The following PRLR variants were observed in gnomAD, a reference collection of about 807,000 sequenced individuals.
PRLR encodes the protein prolactin receptor.
A neutral mutation model predicts 40.2 loss-of-function variants in PRLR; 13 were observed. The ratio of observed to expected loss-of-function variants is 0.32; its 90% CI spans 0.21 to 0.51. The LOEUF (loss-of-function observed/expected upper bound fraction) is 0.51. PRLR is among the 20% of genes least tolerant of loss of function. PRLR has a pLI of 0.97. For missense variants in PRLR, 656 were observed against 747.3 expected (o/e 0.88, Z 1.42); for synonymous variants, 269 against 278.7 (o/e 0.97, Z 0.35).
chr5:35,089,531 C>G lies in PRLR; in HGVS notation c.70+20G>C. On this transcript the variant is annotated intron_variant, in intron 3 of 9. Transcript: ENST00000618457. ...AAACACCCCAGGCAATGAAAGAGAGCGTGATAGCCTCTTACTTACCATTCA... is the reference window on the plus strand; with the variant it reads ...AAACACCCCAGGCAATGAAAGAGAGGGTGATAGCCTCTTACTTACCATTCA... The G allele has an allele frequency of 6.5e-7, 1 of 1,549,152 alleles. No individual in the cohort carries two copies. The highest frequency in any genetic ancestry group is 8.9e-7 in the Non-Finnish European group (1 of 1,120,964).
intron 1 of PRLR, among the ~76,000 whole-genome samples, chr5:35,201,313 T>G (rs1460463806): frequency 6.6e-6 from 1 of 152,154 alleles, no homozygotes; most frequent in African/African-American, 2.4e-5. Flanking sequence ...TTTTAAAACA[T>G]AGTATATTTG....
In PRLR at chr5:35,065,079, A is replaced by T; in HGVS notation, c.*10T>A. On this transcript the variant is annotated 3_prime_UTR_variant, in exon 10 of 10. Coordinates refer to ENST00000618457, the MANE Select transcript of PRLR (RefSeq NM_000949.7). ...TCACATTTTAACCAATCATTCCATTAGTCAAGCTATCAGTGAAAGGAGTGT... is the reference window on the plus strand; with the variant it reads ...TCACATTTTAACCAATCATTCCATTTGTCAAGCTATCAGTGAAAGGAGTGT... 6.2e-7 allele frequency: 1 copy of T among 1,600,532 alleles called. No individual in the cohort carries two copies. The highest frequency in any genetic ancestry group is 8.5e-7 in the Non-Finnish European group (1 of 1,171,598).
At position 35,063,223 on chromosome 5, in the gene PRLR, C is replaced by T. The variant is rs1259276848; in HGVS notation, c.*1866G>A. 6.6e-6 allele frequency: 1 copy of T among 152,144 alleles called. No individual in the cohort carries two copies. The highest frequency in any genetic ancestry group is 2.4e-5 in the African/African-American group (1 of 41,424). The allele number at this position is 152,144 out of a possible 1,614,324, so 9.4% of individuals were successfully genotyped here. ...TTGTTTATATATTAGAAAAATGGAGCTTCGTATCTATTGCTTTTGCCATTC... is the reference window on the plus strand; with the variant it reads ...TTGTTTATATATTAGAAAAATGGAGTTTCGTATCTATTGCTTTTGCCATTC... On this transcript the variant is annotated 3_prime_UTR_variant, in exon 10 of 10. Coordinates refer to ENST00000618457, the MANE Select transcript of PRLR (RefSeq NM_000949.7).
intron 2 of PRLR, among the ~76,000 whole-genome samples, chr5:35,090,448 A>C (rs1459062241): frequency 6.6e-6 from 1 of 152,180 alleles, no homozygotes; most frequent in Non-Finnish European, 1.5e-5. Context: ...AGGATTTTTA[A>C]AGACATTTGG....
chr5:35,066,085 T>C lies in PRLR; in HGVS notation c.873A>G (p.Glu291=). The C allele has an allele frequency of 6.2e-7, 1 of 1,613,502 alleles. No homozygotes were observed. Among genetic ancestry groups the C allele is most frequent in the Non-Finnish European group, 8.5e-7 (1 of 1,179,654 alleles). Residue 291 remains glutamate (E), a synonymous_variant, in exon 10 of 10, where the codon GAA becomes GAG. Transcript: ENST00000618457. ...CTTGGCATCCCAAGGCACTCAGTAG[T>C]TCTTCAGACTTGCCCTTCTATTAAA... The part of the protein sequence containing the change: ...AHLLEKGKSE[E]LLSALGCQDF...
At chr5:35,154,169 C>T (rs1266023081) in intron 1 of PRLR, among the ~76,000 whole-genome samples, 2 of 152,102 alleles carry the variant, frequency 1.3e-5, no homozygotes, top group Non-Finnish European at 2.9e-5. Flanking sequence ...GTAGAAAACT[C>T]ATAGAATTAT....
At chr5:35,134,845 G>A (rs1773801418) in intron 1 of PRLR, among the ~76,000 whole-genome samples, 1 of 152,186 alleles carries the variant, frequency 6.6e-6, no homozygotes, top group Non-Finnish European at 1.5e-5. Flanking sequence ...ATCCCTAGAT[G>A]TTCTGATTTA....
At chr5:35,052,276 T>C (rs1768520833), downstream of PRLR, among the ~76,000 whole-genome samples, 1 of 152,198 alleles carries the variant, frequency 6.6e-6, no homozygotes, top group South Asian at 2.1e-4. Flanking sequence ...AAGGGTACTT[T>C]AACCTTAAAA....
In PRLR at chr5:35,163,802, AT is replaced by A. The variant is rs550714789; in HGVS notation, c.-105-45681del. Among the ~76,000 whole-genome samples, 734 of 152,370 alleles carry A rather than the reference AT, an allele frequency of 4.8e-3. 6 individuals are homozygous for A. Among genetic ancestry groups the A allele is most frequent in the African/African-American group, 0.017 (708 of 41,594 alleles). On this transcript the variant is annotated intron_variant, in intron 1 of 9. Transcript: ENST00000618457. ...AACATCAACTTTCTCTGGCCCTAGC[AT>A]TCCTGAGAAGTTCATTTATTCATGC...
intron 2 of PRLR, among the ~76,000 whole-genome samples, chr5:35,116,852 A>G (rs1288516024): frequency 6.6e-6 from 1 of 152,186 alleles, no homozygotes; most frequent in Admixed American, 6.5e-5. Flanking sequence ...GTCGATTTCC[A>G]TGAAAAACAA....
At chr5:35,108,743 A>T (rs192649260) in intron 2 of PRLR, among the ~76,000 whole-genome samples, 2 of 152,362 alleles carry the variant, frequency 1.3e-5, no homozygotes, top group African/African-American at 4.8e-5. Flanking sequence ...AGAACATGCC[A>T]TGCTCATAGA....
At chr5:35,146,715 GACA>G (rs1168898342) in intron 1 of PRLR, among the ~76,000 whole-genome samples, 1 of 152,228 alleles carries the variant, frequency 6.6e-6, no homozygotes, top group East Asian at 1.9e-4. Context: ...AGTGATGAAA[GACA>G]ACCTCAGTAC....
At chr5:35,226,621 C>T (rs1200596713) in intron 1 of PRLR, among the ~76,000 whole-genome samples, 1 of 152,212 alleles carries the variant, frequency 6.6e-6, no homozygotes, top group African/African-American at 2.4e-5. Flanking sequence ...TTTCCCTAGA[C>T]TTTCACAGGG....
chr5:35,137,133 C>T (rs1773883490), intron 1 of PRLR, among the ~76,000 whole-genome samples: 1 of 152,094 alleles, frequency 6.6e-6, no homozygotes, highest in Admixed American at 6.5e-5. Flanking sequence ...TAACACTCTA[C>T]TTTTTAATCC....
At chr5:35,188,289 C>T (rs1376365558) in intron 1 of PRLR, among the ~76,000 whole-genome samples, 1 of 150,620 alleles carries the variant, frequency 6.6e-6, no homozygotes, top group Non-Finnish European at 1.5e-5. Context: ...AAAAGATCAA[C>T]ATACCTTATT....
intron 1 of PRLR, among the ~76,000 whole-genome samples, chr5:35,168,694 G>C (rs1455369026): frequency 6.6e-6 from 1 of 152,110 alleles, no homozygotes; most frequent in African/African-American, 2.4e-5. Flanking sequence ...GCAATGAATA[G>C]GCTGAGCAAT....
At chr5:35,077,195 A>G (rs1770165561) in intron 5 of PRLR, among the ~76,000 whole-genome samples, 1 of 152,174 alleles carries the variant, frequency 6.6e-6, no homozygotes, top group Admixed American at 6.5e-5. Flanking sequence ...ACACAAAACA[A>G]CATTAATCTT....
At chr5:35,156,857 G>A (rs1420616654) in intron 1 of PRLR, among the ~76,000 whole-genome samples, 6 of 152,082 alleles carry the variant, frequency 3.9e-5, no homozygotes, top group Non-Finnish European at 8.8e-5. Context: ...TGCAAGACAT[G>A]CAGACTGTGA....
intron 5 of PRLR, among the ~76,000 whole-genome samples, chr5:35,074,817 A>G (rs1769969092): frequency 6.6e-6 from 1 of 151,660 alleles, no homozygotes. Context: ...AAAATGAAGG[A>G]GGCATTTACT....
Sources: allele counts gnomAD v4.1 joint callset (sites outside exome capture counted in the v4.1 genomes callset), GRCh38; gene constraint gnomAD v4.1.1; transcripts MANE v1.5; gene names NCBI Gene and HGNC (gene_info 2026-07-23, HGNC 2026-07-21).